The following TRHDE variants were observed in gnomAD, a reference collection of about 807,000 sequenced individuals.
TRHDE encodes the protein thyrotropin releasing hormone degrading enzyme.
A neutral mutation model predicts 125.7 loss-of-function variants in TRHDE; 72 were observed. That is an observed-to-expected ratio of 0.57 (90% CI 0.47 to 0.70). The LOEUF (loss-of-function observed/expected upper bound fraction) is 0.70, where lower values mean the gene tolerates loss of function less well. Ranked by LOEUF, TRHDE falls within the 30% of genes least tolerant of loss-of-function variation. TRHDE has a pLI of 0.00. For synonymous variants in TRHDE, 509 were observed against 509.1 expected (o/e 1.00, Z 0.00); for missense variants, 1,110 against 1,327.1 (o/e 0.84, Z 2.54).
At chr12:72,606,518 C>T (rs562918325) in intron 12 of TRHDE, among the ~76,000 whole-genome samples, 20 of 152,030 alleles carry the variant, frequency 1.3e-4, no homozygotes, top group African/African-American at 2.4e-4. Context: ...CTCACGATGA[C>T]GCTGGAAAGG....
intron 3 of TRHDE, among the ~76,000 whole-genome samples, chr12:72,468,498 A>T (rs1308140158): frequency 6.6e-6 from 1 of 152,250 alleles, no homozygotes; most frequent in Non-Finnish European, 1.5e-5. Flanking sequence ...ACCCAGGGTT[A>T]TATCAAGAAG....
intron 3 of TRHDE, among the ~76,000 whole-genome samples, chr12:72,379,832 T>C (rs1190050639): frequency 1.3e-5 from 2 of 152,194 alleles, no homozygotes; most frequent in Non-Finnish European, 2.9e-5. Flanking sequence ...CCCAGCATAC[T>C]TCTTTTTATA....
chr12:72,360,733 C>A (rs1401559055), intron 2 of TRHDE, among the ~76,000 whole-genome samples: 1 of 151,552 alleles, frequency 6.6e-6, no homozygotes, highest in Non-Finnish European at 1.5e-5. Flanking sequence ...TTGTGAAAGC[C>A]AATACTTCAT....
At chr12:72,131,757 T>C (rs1875872365) in intron 2 of TRHDE, among the ~76,000 whole-genome samples, 1 of 152,170 alleles carries the variant, frequency 6.6e-6, no homozygotes, top group Non-Finnish European at 1.5e-5. Flanking sequence ...ATACTTTCTT[T>C]GTGTAAAGGA....
At chr12:72,238,339 T>TAATA (rs1483769640) in intron 2 of TRHDE, among the ~76,000 whole-genome samples, 901 of 21,144 alleles carry the variant, frequency 0.043, 105 homozygotes, top group Non-Finnish European at 0.077. Flanking sequence ...TATATACACA[T>TAATA]TATATATATA....
At chr12:72,308,356 T>G (rs1035829671) in intron 2 of TRHDE, among the ~76,000 whole-genome samples, 2 of 152,200 alleles carry the variant, frequency 1.3e-5, no homozygotes, top group African/African-American at 4.8e-5. Context: ...TCATTCATTT[T>G]TACATCAGTG....
At chr12:72,455,251 C>T (rs11179213) in intron 3 of TRHDE, among the ~76,000 whole-genome samples, 14 of 151,930 alleles carry the variant, frequency 9.2e-5, no homozygotes, top group East Asian at 5.8e-4. Flanking sequence ...AAACTTTCTC[C>T]GGTACTCTTT....
chr12:72,494,050 C>T (rs1877800657), intron 5 of TRHDE, among the ~76,000 whole-genome samples: 1 of 152,036 alleles, frequency 6.6e-6, no homozygotes, highest in African/African-American at 2.4e-5. Context: ...CAGAACCAGG[C>T]ATACCATCTG....
chr12:72,474,690 A>G (rs988735225), intron 5 of TRHDE, among the ~76,000 whole-genome samples: 3 of 152,110 alleles, frequency 2.0e-5, no homozygotes, highest in Non-Finnish European at 4.4e-5. Context: ...GCTTCCAAAA[A>G]TATTTTATAC....
chr12:72,654,735 G>C (rs1158020543), intron 17 of TRHDE, among the ~76,000 whole-genome samples: 1 of 152,004 alleles, frequency 6.6e-6, no homozygotes, highest in Non-Finnish European at 1.5e-5. Flanking sequence ...TTAGACTCTA[G>C]GTTATATCAA....
chr12:72,628,248 T>A (rs866641625), intron 15 of TRHDE, among the ~76,000 whole-genome samples: 5 of 151,928 alleles, frequency 3.3e-5, no homozygotes, highest in Middle Eastern at 6.8e-3. Flanking sequence ...AGAAGCCAGA[T>A]GGAAGGTTTA....
intron 2 of TRHDE, among the ~76,000 whole-genome samples, chr12:72,185,774 G>A (rs1877195084): frequency 6.6e-6 from 1 of 150,854 alleles, no homozygotes; most frequent in African/African-American, 2.5e-5. Flanking sequence ...CTCAGGGATT[G>A]TAAATACACC....
intron 2 of TRHDE, among the ~76,000 whole-genome samples, chr12:72,312,352 G>C (rs186689853): frequency 6.6e-6 from 1 of 152,220 alleles, no homozygotes; most frequent in African/African-American, 2.4e-5. Context: ...CAAATAACAG[G>C]AATCGCTTTT....
intron 2 of TRHDE, among the ~76,000 whole-genome samples, chr12:72,126,751 A>G (rs1235592728): frequency 1.3e-5 from 2 of 152,206 alleles, no homozygotes; most frequent in Non-Finnish European, 2.9e-5. Context: ...GAATCCTGGA[A>G]GGAAACCCAG....
intron 3 of TRHDE, among the ~76,000 whole-genome samples, chr12:72,455,508 T>G (rs1343306897): frequency 6.6e-6 from 1 of 152,154 alleles, no homozygotes; most frequent in Non-Finnish European, 1.5e-5. Flanking sequence ...AGAAATATTT[T>G]TTCTTGAAAT....
chr12:72,579,590 T>C (rs1262376686), intron 12 of TRHDE, among the ~76,000 whole-genome samples: 1 of 152,170 alleles, frequency 6.6e-6, no homozygotes, highest in Non-Finnish European at 1.5e-5. Context: ...TTTGTGGTGG[T>C]TATCATTCAG....
chr12:72,395,771 G>T (rs1592414541), intron 3 of TRHDE, among the ~76,000 whole-genome samples: 2 of 152,094 alleles, frequency 1.3e-5, no homozygotes, highest in South Asian at 4.1e-4. Flanking sequence ...TGACTACATA[G>T]TAAAGTGAGC....
chr12:72,336,347 G>A (rs1869829619), intron 2 of TRHDE, among the ~76,000 whole-genome samples: 1 of 152,120 alleles, frequency 6.6e-6, no homozygotes, highest in African/African-American at 2.4e-5. Flanking sequence ...TATTATCTAT[G>A]AATGAAAATA....
At chr12:72,619,829 C>T (rs180913928) in intron 13 of TRHDE, among the ~76,000 whole-genome samples, 1 of 152,166 alleles carries the variant, frequency 6.6e-6, no homozygotes, top group Non-Finnish European at 1.5e-5. Flanking sequence ...TTATACTGTA[C>T]TAATTAACAT....
Sources: allele counts gnomAD v4.1 joint callset (sites outside exome capture counted in the v4.1 genomes callset), GRCh38; gene constraint gnomAD v4.1.1; transcripts MANE v1.5; gene names NCBI Gene and HGNC (gene_info 2026-07-23, HGNC 2026-07-21).